MAGI2: variants seen among roughly 807,000 people sequenced by gnomAD.
MAGI2 encodes the protein membrane associated guanylate kinase, WW and PDZ domain containing 2.
In MAGI2, 35 loss-of-function variants were observed where a neutral mutation model predicts 133.3. The ratio of observed to expected loss-of-function variants is 0.26; its 90% CI spans 0.20 to 0.35. MAGI2 has a LOEUF of 0.35. Among genes scored for constraint, MAGI2 ranks in the 10% least tolerant of loss-of-function variants. MAGI2 has a pLI of 1.00. For missense variants in MAGI2, 1,636 were observed against 1,863.4 expected, an observed-to-expected ratio of 0.88 and a Z score of 2.25; for synonymous variants, 729 against 710.6, an observed-to-expected ratio of 1.03 and a Z score of -0.41.
At chr7:78,488,455 T>C (rs532115861) in intron 6 of MAGI2, among the ~76,000 whole-genome samples, 1 of 152,144 alleles carries the variant, frequency 6.6e-6, no homozygotes, top group Admixed American at 6.6e-5. Context: ...TTAATTAGGA[T>C]ATATTAAGGT....
chr7:78,545,055 A>T (rs1017392841), intron 3 of MAGI2, among the ~76,000 whole-genome samples: 3 of 151,452 alleles, frequency 2.0e-5, no homozygotes, highest in African/African-American at 7.3e-5. Flanking sequence ...CGGCATCCCT[A>T]TTAGACTTTA....
intron 2 of MAGI2, among the ~76,000 whole-genome samples, chr7:78,753,304 G>A (rs1240973726): frequency 6.6e-6 from 1 of 151,954 alleles, no homozygotes; most frequent in Non-Finnish European, 1.5e-5. Flanking sequence ...GAAATTCTAA[G>A]AGTAAAAAAT....
rs1190404826 is a variant in MAGI2, at chr7:78,235,491, AC to A, written c.2047+20451del. On this transcript the variant is annotated intron_variant, in intron 10 of 21. Coordinates refer to ENST00000354212, the MANE Select transcript of MAGI2 (RefSeq NM_012301.4). ...AAGTAATTTAATCATGGGGACTGTT[AC>A]CCCCATGCTGTTCTTGTGATAGTGA... is the stretch of plus-strand genomic sequence containing the variant. Among the ~76,000 whole-genome samples the A allele has an allele frequency of 1.1e-4, 16 of 152,084 alleles. No individual in the cohort carries two copies. In the South Asian group the frequency reaches 1.9e-3, roughly 18 times the overall value.
At chr7:79,072,950 C>G (rs556397394) in intron 1 of MAGI2, among the ~76,000 whole-genome samples, 2 of 152,098 alleles carry the variant, frequency 1.3e-5, no homozygotes, top group South Asian at 4.1e-4. Flanking sequence ...AAATTTGATC[C>G]CTAAATCACA....
Position 78,695,211 on chromosome 7 carries a change from C to T in MAGI2, c.419-67972G>A, listed in dbSNP as rs779107839. Among the ~76,000 whole-genome samples, 14 of 152,126 alleles carry T rather than the reference C, an allele frequency of 9.2e-5. No individual in the cohort carries two copies. In the East Asian group the frequency reaches 2.1e-3, roughly 23 times the overall value. On this transcript the variant is annotated intron_variant, in intron 2 of 21. Transcript: ENST00000354212. ...CTGCACTCCAGCCTGGGCGACAGAG[C>T]GAGACTCTGTCTCAAAAAAATAATA...
intron 20 of MAGI2, among the ~76,000 whole-genome samples, chr7:78,081,994 C>T (rs1224436593): frequency 6.6e-6 from 1 of 152,142 alleles, no homozygotes; most frequent in East Asian, 1.9e-4. Context: ...GAAGTACTTC[C>T]ACATGGGTTA....
chr7:78,802,888 G>T (rs954792476), intron 2 of MAGI2, among the ~76,000 whole-genome samples: 2 of 149,754 alleles, frequency 1.3e-5, no homozygotes, highest in African/African-American at 2.5e-5. Context: ...GCTCAATTTT[G>T]CAGTGAACCT....
intron 1 of MAGI2, among the ~76,000 whole-genome samples, chr7:79,164,605 C>T (rs1824741507): frequency 6.6e-6 from 1 of 152,002 alleles, no homozygotes; most frequent in Admixed American, 6.6e-5. Flanking sequence ...GTCTTTTACC[C>T]TGAACATTTC....
chr7:78,162,524 C>CA (rs773765110), intron 15 of MAGI2, among the ~76,000 whole-genome samples: 4,303 of 54,220 alleles, frequency 0.079, 194 homozygotes, highest in African/African-American at 0.15. Flanking sequence ...GACTCTGCCT[C>CA]AAAAAAAAAA....
At chr7:78,581,621 G>A (rs892828726) in intron 3 of MAGI2, among the ~76,000 whole-genome samples, 8 of 152,150 alleles carry the variant, frequency 5.3e-5, no homozygotes, top group African/African-American at 1.7e-4. Context: ...AGGTAAGTAG[G>A]GGGAAAGAAA....
chr7:79,411,391 A>T (rs890666158), intron 1 of MAGI2: 1 of 152,180 alleles, frequency 6.6e-6, no homozygotes, highest in Non-Finnish European at 1.5e-5. Flanking sequence ...GACTGAAGAG[A>T]GAGTCTGAAA....
intron 1 of MAGI2, among the ~76,000 whole-genome samples, chr7:79,137,229 T>C (rs1821664026): frequency 2.6e-5 from 4 of 152,116 alleles, no homozygotes; most frequent in Admixed American, 2.6e-4. Context: ...TCAGTTTACC[T>C]AAAGTTAATC....
chr7:78,295,508 T>C (rs1475142813), intron 9 of MAGI2, among the ~76,000 whole-genome samples: 1 of 152,188 alleles, frequency 6.6e-6, no homozygotes, highest in African/African-American at 2.4e-5. Context: ...GCGTCCTCAG[T>C]ATCATCGCAC....
At chr7:79,313,822 A>T (rs1392975382) in intron 1 of MAGI2, among the ~76,000 whole-genome samples, 6 of 145,224 alleles carry the variant, frequency 4.1e-5, no homozygotes, top group Non-Finnish European at 9.0e-5. Flanking sequence ...TTTTTTTTTA[A>T]GATGGAGTCT....
At chr7:78,327,404 T>C (rs1358197254) in intron 9 of MAGI2, among the ~76,000 whole-genome samples, 2 of 152,254 alleles carry the variant, frequency 1.3e-5, no homozygotes, top group African/African-American at 4.8e-5. Flanking sequence ...TTTGGAAACC[T>C]GATCTCCATC....
intron 2 of MAGI2, among the ~76,000 whole-genome samples, chr7:78,748,307 A>T (rs1437485050): frequency 6.6e-6 from 1 of 152,228 alleles, no homozygotes; most frequent in African/African-American, 2.4e-5. Context: ...GATATAAGGA[A>T]AATGACTGTA....
chr7:78,389,703 G>A (rs941297272), intron 6 of MAGI2, among the ~76,000 whole-genome samples: 2 of 107,250 alleles, frequency 1.9e-5, no homozygotes, highest in Non-Finnish European at 4.6e-5. Flanking sequence ...TGTTTGCCCC[G>A]CATTTCAGGT....
At chr7:79,371,745 T>C (rs1321965648) in intron 1 of MAGI2, among the ~76,000 whole-genome samples, 5 of 152,188 alleles carry the variant, frequency 3.3e-5, no homozygotes, top group Non-Finnish European at 5.9e-5. Context: ...GCATTGCCTG[T>C]ATTCGTTTTT....
At chr7:79,249,343 C>T (rs1292462273) in intron 1 of MAGI2, among the ~76,000 whole-genome samples, 1 of 150,438 alleles carries the variant, frequency 6.6e-6, no homozygotes, top group Non-Finnish European at 1.5e-5. Context: ...CAAAGGTCAG[C>T]AAAGTAAGTT....
Sources: allele counts gnomAD v4.1 joint callset (sites outside exome capture counted in the v4.1 genomes callset), GRCh38; gene constraint gnomAD v4.1.1; transcripts MANE v1.5; gene names NCBI Gene and HGNC (gene_info 2026-07-23, HGNC 2026-07-21).